CELF2: variants seen among roughly 807,000 people sequenced by gnomAD.
CELF2 encodes CUG triplet repeat RNA-binding protein 2.
A neutral mutation model predicts 62.6 loss-of-function variants in CELF2; 8 were observed. That is an observed-to-expected ratio of 0.13 (90% CI 0.07 to 0.23). The LOEUF (loss-of-function observed/expected upper bound fraction) is 0.23. Among genes scored for constraint, CELF2 ranks in the 10% least tolerant of loss-of-function variants. The pLI, the probability that CELF2 is intolerant of heterozygous loss-of-function variation, is 1.00. For missense variants in CELF2, 333 were observed against 671.0 expected, an observed-to-expected ratio of 0.50 and a Z score of 5.56; for synonymous variants, 258 against 250.0, an observed-to-expected ratio of 1.03 and a Z score of -0.30.
chr10:10,779,488 C>CT, the CELF2 span, among the ~76,000 whole-genome samples: 185 of 151,684 alleles, frequency 1.2e-3, no homozygotes, highest in African/African-American at 4.1e-3. Flanking sequence ...TCTCCTTCCT[C>CT]TTTTTTTTTC....
Position 11,185,460 on chromosome 10 carries a change from G to T in CELF2, c.271+19778G>T, listed in dbSNP as rs564535541. Reference sequence around the variant, plus strand: ...ATGGAGTTTCACTCTTGTCACCCAGGCTAGAGTTCAATGGCACGATCTCGG... The same window carrying T: ...ATGGAGTTTCACTCTTGTCACCCAGTCTAGAGTTCAATGGCACGATCTCGG... On this transcript the variant is annotated intron_variant, in intron 2 of 12. Transcript: ENST00000633077. 2.2e-3 allele frequency among the ~76,000 whole-genome samples: 334 copies of T among 152,250 alleles called. 6 individuals carry two copies. Among genetic ancestry groups the T allele is most frequent in the Non-Finnish European group, 4.1e-3 (277 of 68,022 alleles).
In CELF2 at chr10:11,223,405, G is replaced by T. The variant is rs1324080894; in HGVS notation, c.354+5898G>T. 6.6e-6 allele frequency among the ~76,000 whole-genome samples: 1 copy of T among 152,244 alleles called. No homozygotes were observed. The highest frequency in any genetic ancestry group is 1.5e-5 in the Non-Finnish European group (1 of 68,048). On this transcript the variant is annotated intron_variant, in intron 3 of 12. Coordinates refer to ENST00000633077, the MANE Select transcript of CELF2 (RefSeq NM_001326342.2). This position sits in a 1 kb window ranked among gnomAD's most constrained non-coding sequence, Gnocchi z 5.1. Reference sequence around the variant, plus strand: ...ATGTATTCTGCTGCGGAATGTGTCAGTCAGGACATCCATTTGGTGCAGATG... The same window carrying T: ...ATGTATTCTGCTGCGGAATGTGTCATTCAGGACATCCATTTGGTGCAGATG...
At chr10:10,778,698 T>C in the CELF2 span, among the ~76,000 whole-genome samples, 1 of 152,188 alleles carries the variant, frequency 6.6e-6, no homozygotes, top group Non-Finnish European at 1.5e-5. Flanking sequence ...TAATGATTGA[T>C]AAATATATGT....
At chr10:11,282,540 A>G (rs2089318030) in intron 8 of CELF2, among the ~76,000 whole-genome samples, 1 of 152,196 alleles carries the variant, frequency 6.6e-6, no homozygotes, top group Admixed American at 6.5e-5. Context: ...TTCTGCTGTC[A>G]TTGTCGTTTA....
chr10:11,166,859 T>C (rs1235296469), intron 2 of CELF2, among the ~76,000 whole-genome samples: 1 of 152,266 alleles, frequency 6.6e-6, no homozygotes, highest in Non-Finnish European at 1.5e-5. Context: ...CGAGAAATTT[T>C]GGGCTGTTCC....
intron 1 of CELF2, among the ~76,000 whole-genome samples, chr10:10,823,971 T>C (rs974874781): frequency 6.7e-6 from 1 of 148,786 alleles, no homozygotes; most frequent in African/African-American, 2.6e-5. Context: ...TAGCAGATGA[T>C]AGATAGATAG....
At chr10:10,675,827 C>G in the CELF2 span, among the ~76,000 whole-genome samples, 1 of 152,098 alleles carries the variant, frequency 6.6e-6, no homozygotes, top group Non-Finnish European at 1.5e-5. Context: ...CTTAGGATTT[C>G]CATCTCTTTT....
Position 11,262,940 on chromosome 10 carries a change from C to CTTTT in CELF2, c.539-3634_539-3631dup, listed in dbSNP as rs553831640. 8.8e-3 allele frequency among the ~76,000 whole-genome samples: 464 copies of CTTTT among 52,754 alleles called. 145 individuals carry two copies. The highest frequency in any genetic ancestry group is 0.027 in the East Asian group (28 of 1,036). The allele number at this position is 52,754 out of a possible 152,430, so 34.6% of individuals were successfully genotyped here. Reference sequence around the variant, plus strand: ...GTTCATGCTTTTAAAAGTGGCTTTACTTTTTTTTTTTTTTTTTTTTTTTTT... The same window carrying CTTTT: ...GTTCATGCTTTTAAAAGTGGCTTTACTTTTTTTTTTTTTTTTTTTTTTTTTTTTT... On this transcript the variant is annotated intron_variant, in intron 5 of 12. Transcript: ENST00000633077.
At chr10:10,899,614 G>A (rs77184443) in intron 1 of CELF2, among the ~76,000 whole-genome samples, 5,049 of 152,148 alleles carry the variant, frequency 0.033, 292 homozygotes, top group African/African-American at 0.11. Flanking sequence ...GTCCGTTCTC[G>A]CACTGCTATA....
chr10:10,694,742 A>C, the CELF2 span, among the ~76,000 whole-genome samples: 1 of 151,620 alleles, frequency 6.6e-6, no homozygotes, highest in East Asian at 1.9e-4. Flanking sequence ...CTTCTTGTTG[A>C]ATTGATCCCT....
chr10:10,686,854 G>T, the CELF2 span, among the ~76,000 whole-genome samples: 1 of 152,190 alleles, frequency 6.6e-6, no homozygotes, highest in South Asian at 2.1e-4. Flanking sequence ...ACTACAAAAG[G>T]CTCATTCCAC....
At chr10:11,152,036 T>C (rs1033067135) in intron 1 of CELF2, among the ~76,000 whole-genome samples, 20 of 152,264 alleles carry the variant, frequency 1.3e-4, no homozygotes, top group Middle Eastern at 3.4e-3. Context: ...AAAGCAGCAG[T>C]GAAAGTCCTG....
At chr10:11,007,135 A>C (rs1487784632) in intron 1 of CELF2, among the ~76,000 whole-genome samples, 3 of 152,238 alleles carry the variant, frequency 2.0e-5, no homozygotes, top group Non-Finnish European at 2.9e-5. Flanking sequence ...AATATATCAG[A>C]ATATATTAGT....
chr10:10,836,122 G>A (rs1245554468), intron 1 of CELF2, among the ~76,000 whole-genome samples: 3 of 152,136 alleles, frequency 2.0e-5, no homozygotes, highest in Non-Finnish European at 4.4e-5. Flanking sequence ...TTCTGGGCTT[G>A]AGATATAAAC....
In CELF2 at chr10:11,268,938, C is replaced by T. The variant is rs1201002136; in HGVS notation, c.619-1728C>T. On this transcript the variant is annotated intron_variant, in intron 6 of 12. Transcript: ENST00000633077. The surrounding 1 kb of genome is among the most constrained non-coding windows in gnomAD (Gnocchi z 4.7). Reference sequence around the variant, plus strand: ...TCCACTTGCCTTCACTCTATCCCTGCCCTGTGTTTCATGGTTTAAAAAATC... The same window carrying T: ...TCCACTTGCCTTCACTCTATCCCTGTCCTGTGTTTCATGGTTTAAAAAATC... Among the ~76,000 whole-genome samples the T allele has an allele frequency of 6.6e-6, 1 of 152,138 alleles. No individual in the cohort carries two copies. The highest frequency in any genetic ancestry group is 1.9e-4 in the East Asian group (1 of 5,200).
the CELF2 span, among the ~76,000 whole-genome samples, chr10:10,598,878 C>CG: frequency 6.7e-6 from 1 of 150,350 alleles, no homozygotes; most frequent in Non-Finnish European, 1.5e-5. Context: ...TCAGCCTCCC[C>CG]GGTAGCTAGG....
rs948162310 is a variant in CELF2 at position 11,214,026 on chromosome 10, A to G, written c.272-3399A>G. 6.6e-6 allele frequency among the ~76,000 whole-genome samples: 1 copy of G among 152,134 alleles called. No homozygotes were observed. Among genetic ancestry groups the G allele is most frequent in the African/African-American group, 2.4e-5 (1 of 41,420 alleles). On this transcript the variant is annotated intron_variant, in intron 2 of 12. Transcript: ENST00000633077. The surrounding 1 kb of genome is among the most constrained non-coding windows in gnomAD (Gnocchi z 4.2). ...AGGCCGGGCACAGTAGCTCATGCCT[A>G]TAGTCTAAGGGCTTTGGGAGGCCGA... is the stretch of plus-strand genomic sequence containing the variant.
chr10:10,792,073 GAGGAA>G, the CELF2 span, among the ~76,000 whole-genome samples: 3 of 140,456 alleles, frequency 2.1e-5, no homozygotes, highest in Admixed American at 7.6e-5. Context: ...AGGGAGGAAG[GAGGAA>G]AGGGAGGGAG....
At position 11,297,645 on chromosome 10, in the gene CELF2, T is replaced by A. The variant is rs183354124; in HGVS notation, c.976+9093T>A. Among the ~76,000 whole-genome samples the A allele has an allele frequency of 6.6e-6, 1 of 152,306 alleles. No individual in the cohort carries two copies. Among genetic ancestry groups the A allele is most frequent in the African/African-American group, 2.4e-5 (1 of 41,562 alleles). ...CAGTGAGAGAGGACACAATTCTATATGACATGTTCATGAAATGTGAATATT... is the reference window on the plus strand; with the variant it reads ...CAGTGAGAGAGGACACAATTCTATAAGACATGTTCATGAAATGTGAATATT... On this transcript the variant is annotated intron_variant, in intron 9 of 12. Coordinates refer to ENST00000633077, the MANE Select transcript of CELF2 (RefSeq NM_001326342.2). The surrounding 1 kb of genome is among the most constrained non-coding windows in gnomAD (Gnocchi z 4.4).
Sources: gnomAD v4.1 joint callset for allele counts (sites outside exome capture counted in the v4.1 genomes callset) on GRCh38, gnomAD v4.1.1 for gene constraint, Gnocchi (gnomAD v3.1) non-coding constraint, MANE v1.5 for transcripts, NCBI Gene and HGNC (gene_info 2026-07-23, HGNC 2026-07-21) for gene names.